CACNA2D3: variants seen among roughly 807,000 people sequenced by gnomAD.
The protein encoded by CACNA2D3 is calcium voltage-gated channel auxiliary subunit alpha2delta 3, also known as voltage-dependent calcium channel subunit alpha-2/delta-3.
Under a neutral mutation model 160.6 loss-of-function variants are expected in CACNA2D3, and 60 were observed. The observed-to-expected ratio is 0.37, with a 90% CI of 0.30 to 0.46. The LOEUF is 0.46. Among genes scored for constraint, CACNA2D3 ranks in the 20% least tolerant of loss-of-function variants. The pLI, the probability that CACNA2D3 is intolerant of heterozygous loss-of-function variation, is 1.00. For missense variants in CACNA2D3, 1,205 were observed against 1,365.0 expected, an observed-to-expected ratio of 0.88 and a Z score of 1.85; for synonymous variants, 558 against 492.9, an observed-to-expected ratio of 1.13 and a Z score of -1.75.
intron 4 of CACNA2D3, among the ~76,000 whole-genome samples, chr3:54,446,728 C>T (rs1251722870): frequency 3.3e-5 from 5 of 152,094 alleles, no homozygotes; most frequent in Non-Finnish European, 5.9e-5. Context: ...CAGAATCTAG[C>T]CTGAGGATGT....
Position 54,837,180 on chromosome 3 carries a change from G to A in CACNA2D3, c.1420G>A (p.Val474Ile), listed in dbSNP as rs376945763. The A allele has an allele frequency of 1.1e-4, 181 of 1,613,888 alleles. No homozygotes were observed. The highest frequency in any genetic ancestry group is 6.9e-4 in the African/African-American group (52 of 75,016). ...AQKLTDDQGP[V>I]LMTTVAMPVF... ...CCAGCTGACTGATGATCAGGGCCCC[G>A]TCCTGATGACCACTGTAGCCATGCC... The change falls in exon 15 of 38, where the codon GTC (valine) becomes ATC (isoleucine). Residue 474 changes from valine to isoleucine, a missense_variant. Transcript: ENST00000474759.
At chr3:54,720,184 C>CT (rs942083049) in intron 11 of CACNA2D3, among the ~76,000 whole-genome samples, 1 of 151,546 alleles carries the variant, frequency 6.6e-6, no homozygotes, top group African/African-American at 2.4e-5. Flanking sequence ...TAAATTTGAC[C>CT]TTTTTTTAGC....
intron 2 of CACNA2D3, among the ~76,000 whole-genome samples, chr3:54,164,912 T>A (rs1055613764): frequency 6.6e-6 from 1 of 152,166 alleles, no homozygotes; most frequent in African/African-American, 2.4e-5. Context: ...AAACTCAACA[T>A]AAGAAAGTCT....
intron 29 of CACNA2D3, among the ~76,000 whole-genome samples, chr3:54,977,988 G>GGT (rs1469828328): frequency 4.6e-5 from 7 of 152,092 alleles, no homozygotes; most frequent in Admixed American, 3.9e-4. Context: ...GACCGTATAG[G>GGT]GTATCTTCCT....
At chr3:54,866,691 G>A (rs1335838986) in intron 17 of CACNA2D3, among the ~76,000 whole-genome samples, 3 of 152,160 alleles carry the variant, frequency 2.0e-5, no homozygotes, top group African/African-American at 7.2e-5. Context: ...AATCAACATG[G>A]TCATCATCTT....
At chr3:54,362,189 C>G (rs1286982894) in intron 3 of CACNA2D3, among the ~76,000 whole-genome samples, 2 of 152,208 alleles carry the variant, frequency 1.3e-5, no homozygotes, top group Non-Finnish European at 2.9e-5. Context: ...TTCCTGCTCA[C>G]TGTCTCACAA....
At chr3:54,239,984 G>T (rs766350374) in intron 2 of CACNA2D3, among the ~76,000 whole-genome samples, 2 of 152,164 alleles carry the variant, frequency 1.3e-5, no homozygotes, top group Non-Finnish European at 2.9e-5. Context: ...CACTGCAAAC[G>T]ACACCTGTGG....
Position 54,930,977 on chromosome 3 carries a change from T to G in CACNA2D3, c.2449+31109T>G, listed in dbSNP as rs575608134. ...TGGGCGTGATGGTGGCCTTCTGTAATCTCAGCTACTCAGGAGGCTGAGGCA... is the reference window on the plus strand; with the variant it reads ...TGGGCGTGATGGTGGCCTTCTGTAAGCTCAGCTACTCAGGAGGCTGAGGCA... On this transcript the variant is annotated intron_variant, in intron 27 of 37. Transcript: ENST00000474759. Among the ~76,000 whole-genome samples, 23 of 152,058 alleles carry G rather than the reference T, an allele frequency of 1.5e-4. No homozygotes were observed. In the East Asian group the frequency reaches 4.4e-3, roughly 29 times the overall value.
intron 4 of CACNA2D3, among the ~76,000 whole-genome samples, chr3:54,427,306 C>G (rs1328218563): frequency 2.0e-5 from 3 of 152,108 alleles, no homozygotes; most frequent in African/African-American, 7.2e-5. Context: ...TAGCAAACAT[C>G]TCGGACACAT....
chr3:54,592,925 T>C (rs1346587159), intron 9 of CACNA2D3, among the ~76,000 whole-genome samples: 1 of 152,176 alleles, frequency 6.6e-6, no homozygotes, highest in Admixed American at 6.6e-5. Context: ...ATTCTAAAAC[T>C]TCCTACCTTC....
intron 3 of CACNA2D3, among the ~76,000 whole-genome samples, chr3:54,353,932 C>T (rs929921419): frequency 4.6e-5 from 7 of 152,120 alleles, no homozygotes; most frequent in East Asian, 3.9e-4. Flanking sequence ...CCTGGCAGGA[C>T]GGCTTTTTAT....
intron 29 of CACNA2D3, among the ~76,000 whole-genome samples, chr3:54,981,109 A>G (rs1214941782): frequency 6.6e-6 from 1 of 152,226 alleles, no homozygotes; most frequent in African/African-American, 2.4e-5. Context: ...CCATGGTGAA[A>G]AGAGAAAGCA....
chr3:54,898,196 C>T (rs1272814051), intron 26 of CACNA2D3, among the ~76,000 whole-genome samples: 2 of 112,378 alleles, frequency 1.8e-5, no homozygotes, highest in Non-Finnish European at 1.8e-5. Flanking sequence ...CTTTTCTTTT[C>T]CTCTCTCTCT....
At chr3:54,858,450 T>A (rs1699217319) in intron 17 of CACNA2D3, among the ~76,000 whole-genome samples, 1 of 152,198 alleles carries the variant, frequency 6.6e-6, no homozygotes, top group Admixed American at 6.5e-5. Context: ...TCCTCTTCCA[T>A]CTGTGACAGC....
chr3:54,887,764 T>G (rs1699959694), intron 23 of CACNA2D3, among the ~76,000 whole-genome samples, 195 bp from the exon 24 acceptor site: 1 of 152,210 alleles, frequency 6.6e-6, no homozygotes, highest in Admixed American at 6.5e-5. Context: ...GCCCAAATGC[T>G]TTGGAGGCTC....
chr3:54,220,418 C>T (rs1701545613), intron 2 of CACNA2D3, among the ~76,000 whole-genome samples: 1 of 152,084 alleles, frequency 6.6e-6, no homozygotes, highest in Non-Finnish European at 1.5e-5. Context: ...AGCTGAGATG[C>T]TAATGTAGCA....
intron 11 of CACNA2D3, among the ~76,000 whole-genome samples, chr3:54,719,328 T>G (rs1236232095): frequency 1.3e-5 from 2 of 151,964 alleles, no homozygotes; most frequent in Non-Finnish European, 2.9e-5. Flanking sequence ...TTTTTAAGGT[T>G]AAAGAAGTGC....
intron 2 of CACNA2D3, among the ~76,000 whole-genome samples, chr3:54,185,496 C>CT (rs1700865061): frequency 6.6e-6 from 1 of 152,076 alleles, no homozygotes; most frequent in Non-Finnish European, 1.5e-5. Flanking sequence ...TAGAATGGGG[C>CT]TTTAGATTTT....
Position 54,198,583 on chromosome 3 carries a change from C to T in CACNA2D3, c.204+74989C>T, listed in dbSNP as rs74872459. Among the ~76,000 whole-genome samples the T allele has an allele frequency of 2.1e-4, 32 of 152,384 alleles. No individual in the cohort carries two copies. The East Asian group carries it at 6.0e-3, about 28-fold the overall frequency. The stretch of plus-strand genomic sequence containing the variant: ...AAATTAAATTGGTCAATTTTTAGCA[C>T]ATCAAATGGCTTTGTTCTCCTGCTT... On this transcript the variant is annotated intron_variant, in intron 2 of 37. Transcript: ENST00000474759.
Sources: gnomAD v4.1 joint callset for allele counts (sites outside exome capture counted in the v4.1 genomes callset) on GRCh38, gnomAD v4.1.1 for gene constraint, MANE v1.5 for transcripts, NCBI Gene and HGNC (gene_info 2026-07-23, HGNC 2026-07-21) for gene names.